The following FZD6 variants were observed in gnomAD, a reference collection of about 807,000 sequenced individuals.
FZD6 encodes the protein frizzled-6.
Under a neutral mutation model 61.4 loss-of-function variants are expected in FZD6, and 49 were observed. The observed-to-expected ratio is 0.80, with a 90% CI of 0.63 to 1.01. FZD6 has a LOEUF of 1.01. Ranked by LOEUF, FZD6 falls within the 50% of genes least tolerant of loss-of-function variation. FZD6 has a pLI of 0.00. For missense variants in FZD6, 724 were observed against 848.2 expected, an observed-to-expected ratio of 0.85 and a Z score of 1.82; for synonymous variants, 265 against 292.2, an observed-to-expected ratio of 0.91 and a Z score of 0.95.
chr8:103,329,942 T>G lies in FZD6; in HGVS notation c.1829T>G (p.Leu610Ter). ...GCGGACGGAGCTAGCACCCCCAGGT[T>G]AAGAGAACAGGACTGTGGTGAACCT... ...VKADGASTPR[L>*]REQDCGEPAS... The change falls in exon 6 of 7, where the codon TTA becomes TGA. Residue 610 changes from leucine to a stop codon, truncating the protein, a stop_gained. Coordinates refer to ENST00000358755, the MANE Select transcript of FZD6 (RefSeq NM_003506.4). LOFTEE classifies it high-confidence loss of function. The G allele has an allele frequency of 6.2e-7, 1 of 1,614,110 alleles. No homozygotes were observed. The highest frequency in any genetic ancestry group is 1.1e-5 in the South Asian group (1 of 91,080).
At chr8:103,300,407 GAA>G in intron 2 of FZD6, 123 bp downstream of exon 2, 1 of 797,184 alleles carries the variant, frequency 1.3e-6, no homozygotes, top group South Asian at 1.4e-5. Context: ...GTTGTGTTTT[GAA>G]AAGTCCTTTT....
At chr8:103,328,830 C>G (rs377571359) in intron 5 of FZD6, among the ~76,000 whole-genome samples, 1 of 150,770 alleles carries the variant, frequency 6.6e-6, no homozygotes, top group Admixed American at 6.6e-5. Context: ...ATAAAGAAAC[C>G]TATAAAGTAT....
At chr8:103,326,821 GA>G (rs35958794) in intron 4 of FZD6, among the ~76,000 whole-genome samples, 2 of 151,080 alleles carry the variant, frequency 1.3e-5, no homozygotes, top group Admixed American at 6.6e-5. Flanking sequence ...AGATCAATAA[GA>G]AAAAAACCAT....
intron 2 of FZD6, among the ~76,000 whole-genome samples, chr8:103,316,444 T>G (rs1416863315): frequency 6.6e-6 from 1 of 152,230 alleles, no homozygotes; most frequent in Non-Finnish European, 1.5e-5. Flanking sequence ...TTCTTCAGTG[T>G]TGAATCAGCT....
At chr8:103,310,666 C>T (rs142199492) in intron 2 of FZD6, among the ~76,000 whole-genome samples, 2 of 152,332 alleles carry the variant, frequency 1.3e-5, no homozygotes, top group Non-Finnish European at 2.9e-5. Flanking sequence ...CCCTACCCTA[C>T]AATCTGATAA....
At chr8:103,300,796 T>C (rs1452014483) in intron 2 of FZD6, among the ~76,000 whole-genome samples, 3 of 152,202 alleles carry the variant, frequency 2.0e-5, no homozygotes, top group South Asian at 2.1e-4. Flanking sequence ...AAAGTGACTT[T>C]GTTTTCTAAG....
chr8:103,302,077 G>C (rs1203119344), intron 2 of FZD6, among the ~76,000 whole-genome samples: 1 of 151,312 alleles, frequency 6.6e-6, no homozygotes, highest in Non-Finnish European at 1.5e-5. Context: ...GTAAATTTAA[G>C]GATACAAAAG....
chr8:103,324,735 T>C lies in FZD6; in HGVS notation c.629T>C (p.Leu210Pro), dbSNP rs1279554917. ...ATTGGAACAGTTTCAATATTTTGTC[T>C]TTGTGCAACTCTGTTCACATTCCTT... The part of the protein sequence containing the change: ...SFIGTVSIFC[L>P]CATLFTFLTF... Residue 210 changes from leucine (L) to proline (P), a missense_variant, in exon 4 of 7, where the codon CTT becomes CCT. By Grantham distance (98) the Leu-to-Pro change is moderately conservative. Coordinates refer to ENST00000358755, the MANE Select transcript of FZD6 (RefSeq NM_003506.4). 8 of 1,614,044 alleles carry C rather than the reference T, an allele frequency of 5.0e-6. No individual in the cohort carries two copies. Among genetic ancestry groups the C allele is most frequent in the Non-Finnish European group, 6.8e-6 (8 of 1,180,006 alleles).
intron 3 of FZD6, among the ~76,000 whole-genome samples, chr8:103,319,756 C>G (rs1398140268): frequency 6.6e-6 from 1 of 152,142 alleles, no homozygotes; most frequent in Non-Finnish European, 1.5e-5. Context: ...AGGCAGAGGA[C>G]ATGTCAGGTG....
intron 6 of FZD6, 96 bp from the exon 7 acceptor site, chr8:103,331,245 T>G: frequency 1.2e-6 from 1 of 849,246 alleles, no homozygotes; most frequent in South Asian, 1.3e-5. Flanking sequence ...TATTCTCTGA[T>G]AAAGGTGGAC....
At chr8:103,298,830 C>G (rs1254992847), upstream of FZD6, 2 of 163,644 alleles carry the variant, frequency 1.2e-5, no homozygotes, top group Non-Finnish European at 2.5e-5. Flanking sequence ...CCTGCCCGCC[C>G]GACCTGGCGG....
At chr8:103,326,475 G>A (rs1426749132) in intron 4 of FZD6, among the ~76,000 whole-genome samples, 1 of 151,876 alleles carries the variant, frequency 6.6e-6, no homozygotes, top group Non-Finnish European at 1.5e-5. Context: ...GTTGGGGAGA[G>A]GAAACTATTA....
intron 2 of FZD6, among the ~76,000 whole-genome samples, chr8:103,301,880 A>C (rs981841270): frequency 6.6e-6 from 1 of 152,166 alleles, no homozygotes; most frequent in Non-Finnish European, 1.5e-5. Context: ...ATTACTTTTT[A>C]ATTTACCTAG....
intron 3 of FZD6, among the ~76,000 whole-genome samples, chr8:103,319,956 G>A (rs540528554): frequency 1.2e-4 from 19 of 152,242 alleles, no homozygotes; most frequent in African/African-American, 4.6e-4. Context: ...CTAGGAAAAA[G>A]GAAGAGGCAA....
At chr8:103,316,118 G>T (rs1270607048) in intron 2 of FZD6, among the ~76,000 whole-genome samples, 1 of 152,010 alleles carries the variant, frequency 6.6e-6, no homozygotes, top group Admixed American at 6.5e-5. Flanking sequence ...ATTAAATATT[G>T]TACACTGCTG....
intron 2 of FZD6, among the ~76,000 whole-genome samples, chr8:103,314,695 T>C (rs1814583326): frequency 6.6e-6 from 1 of 152,184 alleles, no homozygotes; most frequent in Admixed American, 6.6e-5. Context: ...TGGGTGTGGG[T>C]TCTGTATATG....
chr8:103,298,772 TCCCGCC>T (rs1309228890), upstream of FZD6: 1 of 98,508 alleles, frequency 1.0e-5, no homozygotes, highest in African/African-American at 4.0e-5. Context: ...GCAGGGCCAG[TCCCGCC>T]GCCGCCGCCG....
chr8:103,304,800 T>C (rs1463719635), intron 2 of FZD6, among the ~76,000 whole-genome samples: 5 of 152,268 alleles, frequency 3.3e-5, no homozygotes, highest in Admixed American at 2.6e-4. Flanking sequence ...TGCATTCTTA[T>C]GTTAATACAT....
rs1276485475 is a variant in FZD6, at chr8:103,324,549, A to C, written c.443A>C (p.Lys148Thr). The C allele has an allele frequency of 2.5e-6, 4 of 1,613,012 alleles. No homozygotes were observed. The highest frequency in any genetic ancestry group is 3.3e-5 in the Admixed American group (2 of 59,986). ...DPHTEFLGPQ[K>T]KTEQVQRDIG... ...CACACAGAATTTCTTGGTCCTCAGA[A>C]GAAAACAGAACAAGTCCAAAGAGAC... The change falls in exon 4 of 7, where the codon AAG (lysine) becomes ACG (threonine). Residue 148 changes from lysine (K) to threonine (T), a missense_variant. Transcript: ENST00000358755.
Sources: gnomAD v4.1 joint callset for allele counts (sites outside exome capture counted in the v4.1 genomes callset) on GRCh38, gnomAD v4.1.1 for gene constraint, MANE v1.5 for transcripts, NCBI Gene and HGNC (gene_info 2026-07-23, HGNC 2026-07-21) for gene names.